SEMA3A: variants seen among roughly 807,000 people sequenced by gnomAD.
SEMA3A encodes the protein semaphorin-3A.
SEMA3A carries 29 observed loss-of-function variants against 97.9 expected under a neutral mutation model. The ratio of observed to expected loss-of-function variants is 0.30; its 90% CI spans 0.22 to 0.40. The LOEUF is 0.40. Among genes scored for constraint, SEMA3A ranks in the 10% least tolerant of loss-of-function variants. SEMA3A has a pLI of 1.00. For synonymous variants in SEMA3A, 321 were observed against 323.7 expected (o/e 0.99, Z 0.09); for missense variants, 763 against 951.3 (o/e 0.80, Z 2.60).
intron 3 of SEMA3A, among the ~76,000 whole-genome samples, chr7:84,119,000 T>G (rs1376612589): frequency 6.6e-6 from 1 of 152,164 alleles, no homozygotes; most frequent in Non-Finnish European, 1.5e-5. Flanking sequence ...AACATAAATT[T>G]GGCCTATTTA....
At chr7:84,293,332 T>A (rs769758467) in intron 3 of SEMA3A, among the ~76,000 whole-genome samples, 3 of 152,050 alleles carry the variant, frequency 2.0e-5, no homozygotes, top group Non-Finnish European at 4.4e-5. Flanking sequence ...GGAGTTGGAA[T>A]TGCTTTCTCA....
chr7:84,426,867 C>T (rs1312255204), intron 1 of SEMA3A, among the ~76,000 whole-genome samples: 1 of 152,086 alleles, frequency 6.6e-6, no homozygotes, highest in Non-Finnish European at 1.5e-5. Flanking sequence ...GTGATAACTT[C>T]AGTGTTGGTA....
intron 1 of SEMA3A, among the ~76,000 whole-genome samples, chr7:84,383,683 T>C (rs374809450): frequency 2.0e-5 from 3 of 152,190 alleles, no homozygotes; most frequent in East Asian, 3.8e-4. Context: ...TTTTAACCAG[T>C]TCATAGAACA....
chr7:84,206,320 AT>A (rs532227830), intron 3 of SEMA3A, among the ~76,000 whole-genome samples: 10,645 of 130,282 alleles, frequency 0.082, 278 homozygotes, highest in East Asian at 0.14. Context: ...CCAAGATGGC[AT>A]TTTTTTTTTT....
At chr7:84,318,345 C>T (rs1195721294) in intron 2 of SEMA3A, among the ~76,000 whole-genome samples, 14 of 97,226 alleles carry the variant, frequency 1.4e-4, no homozygotes, top group Admixed American at 1.3e-3. Context: ...TTTTTTGAGA[C>T]GGAGTCTCGC....
rs1028914309 is a variant in SEMA3A at position 84,424,209 on chromosome 7, C to G, written c.-245-52309G>C. ...CTGCACACGAATATTTATTGCAGCA[C>G]AATTCACAATTGCAAAGATACAGGA... is the stretch of plus-strand genomic sequence containing the variant. On this transcript the variant is annotated intron_variant, in intron 1 of 3. Coordinates refer to the SEMA3A transcript ENST00000424555. Among the ~76,000 whole-genome samples, 5 of 150,872 alleles carry G rather than the reference C, an allele frequency of 3.3e-5. No homozygotes were observed. The South Asian group carries it at 6.2e-4, about 19-fold the overall frequency.
intron 4 of SEMA3A, among the ~76,000 whole-genome samples, chr7:84,082,306 T>C (rs1412079232): frequency 1.3e-5 from 2 of 152,164 alleles, no homozygotes; most frequent in Admixed American, 1.3e-4. Context: ...AGCTATGTTC[T>C]AGCTACAGAG....
intron 15 of SEMA3A, among the ~76,000 whole-genome samples, chr7:83,969,605 AAT>A (rs1371195891): frequency 6.6e-6 from 1 of 152,246 alleles, no homozygotes; most frequent in Non-Finnish European, 1.5e-5. Context: ...ATATAAAAGA[AAT>A]GAATAAAAGT....
At chr7:83,973,757 G>T (rs1330683232) in intron 15 of SEMA3A, among the ~76,000 whole-genome samples, 5 of 152,084 alleles carry the variant, frequency 3.3e-5, no homozygotes, top group Non-Finnish European at 5.9e-5. Flanking sequence ...ACTGTGAGGT[G>T]CCAGGAAGGT....
At chr7:84,334,746 C>T (rs1201064894) in intron 2 of SEMA3A, among the ~76,000 whole-genome samples, 1 of 150,646 alleles carries the variant, frequency 6.6e-6, no homozygotes, top group Non-Finnish European at 1.5e-5. Flanking sequence ...CTGTCTTGAT[C>T]CACTTTTCAT....
chr7:84,127,567 T>C (rs181686533), intron 3 of SEMA3A, among the ~76,000 whole-genome samples: 15 of 152,322 alleles, frequency 9.8e-5, no homozygotes, highest in Admixed American at 5.2e-4. Context: ...ATAATAACTA[T>C]ATGTTTAATA....
At chr7:84,139,768 T>C (rs2040874) in intron 1 of SEMA3A, among the ~76,000 whole-genome samples, 34,087 of 151,926 alleles carry the variant, frequency 0.22, 3,958 homozygotes, top group African/African-American at 0.27. Flanking sequence ...TTCAAGATTC[T>C]TATATGTAAA....
At chr7:84,311,211 T>C (rs959972722) in intron 2 of SEMA3A, among the ~76,000 whole-genome samples, 2 of 151,976 alleles carry the variant, frequency 1.3e-5, no homozygotes, top group African/African-American at 4.8e-5. Flanking sequence ...AACCAAAATA[T>C]AACCTTCTGG....
At chr7:84,401,056 G>C (rs1453943091) in intron 1 of SEMA3A, among the ~76,000 whole-genome samples, 1 of 152,112 alleles carries the variant, frequency 6.6e-6, no homozygotes, top group Non-Finnish European at 1.5e-5. Context: ...AAGGGCATTA[G>C]AAATTAGGAA....
chr7:84,364,552 C>T (rs570569108), intron 2 of SEMA3A, among the ~76,000 whole-genome samples: 3 of 151,584 alleles, frequency 2.0e-5, no homozygotes, highest in Non-Finnish European at 3.0e-5. Context: ...TTATATTGCA[C>T]AATAAACTAA....
chr7:84,107,354 T>C (rs893977604), intron 4 of SEMA3A, among the ~76,000 whole-genome samples: 1 of 152,216 alleles, frequency 6.6e-6, no homozygotes, highest in Non-Finnish European at 1.5e-5. Context: ...AGACAACCTA[T>C]ATTGATAATA....
intron 1 of SEMA3A, among the ~76,000 whole-genome samples, chr7:84,174,597 A>G (rs1037790434): frequency 6.6e-6 from 1 of 152,222 alleles, no homozygotes; most frequent in Non-Finnish European, 1.5e-5. Flanking sequence ...TATGTTTGTT[A>G]TTTCAGTAAA....
At chr7:83,995,321 T>C (rs1639583) in intron 12 of SEMA3A, among the ~76,000 whole-genome samples, 121,138 of 152,078 alleles carry the variant, frequency 0.8, 48,531 homozygotes, top group East Asian at 0.89. Flanking sequence ...TGTTCCTATT[T>C]GGCCATCTTG....
chr7:84,159,388 G>C (rs147566153), intron 1 of SEMA3A, among the ~76,000 whole-genome samples: 14 of 151,924 alleles, frequency 9.2e-5, no homozygotes, highest in Admixed American at 7.2e-4. Context: ...ATCTTTTTCC[G>C]TACCTTTTTA....
Sources: allele counts gnomAD v4.1 joint callset (sites outside exome capture counted in the v4.1 genomes callset), GRCh38; gene constraint gnomAD v4.1.1; transcripts MANE v1.5; gene names NCBI Gene and HGNC (gene_info 2026-07-23, HGNC 2026-07-21).